PRDM5: variants seen among roughly 807,000 people sequenced by gnomAD.
PRDM5 encodes the protein PR/SET domain 5.
Under a neutral mutation model 81.2 loss-of-function variants are expected in PRDM5, and 56 were observed. The observed-to-expected ratio is 0.69, with a 90% CI of 0.56 to 0.86. The LOEUF (loss-of-function observed/expected upper bound fraction) is 0.86. Ranked by LOEUF, PRDM5 falls within the 40% of genes least tolerant of loss-of-function variation. The pLI, the probability that PRDM5 is intolerant of heterozygous loss-of-function variation, is 0.00. For missense variants in PRDM5, 697 were observed against 770.1 expected (o/e 0.91, Z 1.12); for synonymous variants, 267 against 256.4 (o/e 1.04, Z -0.39).
At position 120,804,403 on chromosome 4, in the gene PRDM5, C is replaced by T. The variant is rs111372674; in HGVS notation, c.946-4658G>A. Among the ~76,000 whole-genome samples, 74 of 152,330 alleles carry T rather than the reference C, an allele frequency of 4.9e-4. 1 individual carries two copies. Among genetic ancestry groups the T allele is most frequent in the African/African-American group, 1.3e-3 (54 of 41,574 alleles). Reference sequence around the variant, plus strand: ...CCAAATCAACAGAACATACATTCTTCTCAGCACCACATTGCACTTATTCCA... The same window carrying T: ...CCAAATCAACAGAACATACATTCTTTTCAGCACCACATTGCACTTATTCCA... On this transcript the variant is annotated intron_variant, in intron 8 of 15. Transcript: ENST00000264808.
At chr4:120,867,380 CAT>C (rs1375396558) in intron 2 of PRDM5, among the ~76,000 whole-genome samples, 2 of 152,060 alleles carry the variant, frequency 1.3e-5, no homozygotes, top group African/African-American at 2.4e-5. Flanking sequence ...AAAACCAAAA[CAT>C]ATGTTTCTAC....
intron 3 of PRDM5, among the ~76,000 whole-genome samples, chr4:120,850,371 G>C (rs752446914): frequency 6.6e-6 from 1 of 152,092 alleles, no homozygotes; most frequent in Non-Finnish European, 1.5e-5. Context: ...CAACCAATTA[G>C]AAGGCTGAAA....
intron 1 of PRDM5, among the ~76,000 whole-genome samples, chr4:120,917,702 C>G (rs1300826469): frequency 6.7e-6 from 1 of 148,404 alleles, no homozygotes. Flanking sequence ...AAAACAGAGC[C>G]AAGGTAGATA....
At chr4:120,785,406 C>T (rs17051256) in intron 10 of PRDM5, among the ~76,000 whole-genome samples, 30,286 of 152,072 alleles carry the variant, frequency 0.2, 3,673 homozygotes, top group Non-Finnish European at 0.28. Flanking sequence ...TGAAACTGTG[C>T]GTACTTTCTC....
chr4:120,689,837 A>T (rs114453702), downstream of PRDM5, among the ~76,000 whole-genome samples: 3,968 of 151,852 alleles, frequency 0.026, 95 homozygotes, highest in African/African-American at 0.065. Flanking sequence ...CTGTTGTCGA[A>T]CTCCTGGGCT....
intron 13 of PRDM5, among the ~76,000 whole-genome samples, chr4:120,773,168 C>G (rs528597980): frequency 6.6e-6 from 1 of 152,072 alleles, no homozygotes; most frequent in South Asian, 2.1e-4. Context: ...CAGTTTTTTT[C>G]ATGAAACATC....
At chr4:120,821,387 C>T (rs778879332) in intron 3 of PRDM5, 42 bp from the exon 4 acceptor site, 4 of 1,544,706 alleles carry the variant, frequency 2.6e-6, no homozygotes, top group Non-Finnish European at 2.7e-6. Flanking sequence ...TCATTTGTTT[C>T]TGATAGTAAT....
intron 2 of PRDM5, chr4:120,896,412 A>C (rs1764618744): frequency 6.6e-6 from 1 of 152,092 alleles, no homozygotes; most frequent in Non-Finnish European, 1.5e-5. Context: ...AATATCTTTA[A>C]ATTCTGTCAC....
At chr4:120,862,858 C>T (rs1450476) in intron 2 of PRDM5, among the ~76,000 whole-genome samples, 22,879 of 151,822 alleles carry the variant, frequency 0.15, 1,736 homozygotes, top group East Asian at 0.17. Flanking sequence ...TTTTTATTTG[C>T]GGGCAAAGAG....
chr4:120,704,244 C>T (rs1256908376), intron 15 of PRDM5, among the ~76,000 whole-genome samples: 2 of 152,096 alleles, frequency 1.3e-5, no homozygotes, highest in Non-Finnish European at 2.9e-5. Flanking sequence ...AAACTGACTA[C>T]CCAGACATTA....
intron 14 of PRDM5, among the ~76,000 whole-genome samples, chr4:120,737,112 A>G (rs1741228235): frequency 6.6e-6 from 1 of 152,126 alleles, no homozygotes; most frequent in Non-Finnish European, 1.5e-5. Context: ...TGTCAGGCAG[A>G]TAACTAGGGT....
chr4:120,726,594 C>G (rs1739443856), intron 14 of PRDM5, among the ~76,000 whole-genome samples: 1 of 152,148 alleles, frequency 6.6e-6, no homozygotes, highest in African/African-American at 2.4e-5. Context: ...AAATAACACA[C>G]CCAGAAGAAG....
At chr4:120,847,878 C>T (rs1758836834) in intron 3 of PRDM5, among the ~76,000 whole-genome samples, 1 of 152,090 alleles carries the variant, frequency 6.6e-6, no homozygotes, top group Non-Finnish European at 1.5e-5. Flanking sequence ...GATTGGTCTT[C>T]AATAGAAGTA....
chr4:120,840,765 C>T (rs976007251), intron 3 of PRDM5, among the ~76,000 whole-genome samples: 2 of 152,192 alleles, frequency 1.3e-5, no homozygotes, highest in African/African-American at 2.4e-5. Context: ...ATCATGGTGG[C>T]CCCTAGGGCG....
At chr4:120,898,860 G>T (rs1160007318) in intron 2 of PRDM5, among the ~76,000 whole-genome samples, 1 of 152,054 alleles carries the variant, frequency 6.6e-6, no homozygotes, top group Non-Finnish European at 1.5e-5. Context: ...TGCATCCTAG[G>T]GGCAGCAATC....
At chr4:120,876,411 C>T (rs893927375) in intron 2 of PRDM5, among the ~76,000 whole-genome samples, 2 of 152,070 alleles carry the variant, frequency 1.3e-5, no homozygotes, top group South Asian at 2.1e-4. Flanking sequence ...TTATTAGATG[C>T]CTATCTTTTA....
intron 3 of PRDM5, among the ~76,000 whole-genome samples, chr4:120,845,535 T>A (rs1758558615): frequency 6.6e-6 from 1 of 152,220 alleles, no homozygotes; most frequent in Non-Finnish European, 1.5e-5. Context: ...CTGAATATTT[T>A]AAGCCCACTT....
chr4:120,842,486 A>G lies in PRDM5; in HGVS notation c.300+10932T>C, dbSNP rs972772357. ...TTCAACAAGCACTTACTGAGCCCCC[A>G]CTAGACGAAATGAACACTGGGAAAC... On this transcript the variant is annotated intron_variant, in intron 3 of 15. Transcript: ENST00000264808. Among the ~76,000 whole-genome samples the G allele has an allele frequency of 4.6e-5, 7 of 152,326 alleles. No individual in the cohort carries two copies. In the South Asian group the frequency reaches 1.0e-3, roughly 23 times the overall value.
At chr4:120,708,568 G>A (rs1216404522) in intron 15 of PRDM5, among the ~76,000 whole-genome samples, 1 of 152,018 alleles carries the variant, frequency 6.6e-6, no homozygotes. Flanking sequence ...GGTGGTGCTT[G>A]TACAACACAG....
Sources: allele counts gnomAD v4.1 joint callset (sites outside exome capture counted in the v4.1 genomes callset), GRCh38; gene constraint gnomAD v4.1.1; transcripts MANE v1.5; gene names NCBI Gene and HGNC (gene_info 2026-07-23, HGNC 2026-07-21).